Variants in BPIFA2 observed in about 807,000 individuals in gnomAD.
BPIFA2 encodes the protein BPI fold-containing family A member 2.
Under a neutral mutation model 25.7 loss-of-function variants are expected in BPIFA2, and 20 were observed. That is an observed-to-expected ratio of 0.78 (90% CI 0.55 to 1.13). BPIFA2 has a LOEUF of 1.13. Among genes scored for constraint, BPIFA2 ranks in the 50% most tolerant of loss-of-function variants. BPIFA2 has a pLI of 0.00. For missense variants in BPIFA2, 300 were observed against 298.1 expected (o/e 1.01, Z -0.05); for synonymous variants, 126 against 124.3 (o/e 1.01, Z -0.09).
chr20:33,166,039 C>T (rs868534984), upstream of BPIFA2, among the ~76,000 whole-genome samples: 57 of 152,144 alleles, frequency 3.7e-4, no homozygotes, highest in Non-Finnish European at 5.4e-4. Flanking sequence ...TTGTTTGAGA[C>T]GGAGTTTCGC....
chr20:33,177,460 C>T (rs1242564225), intron 5 of BPIFA2, among the ~76,000 whole-genome samples: 3 of 152,088 alleles, frequency 2.0e-5, no homozygotes, highest in South Asian at 2.1e-4. Flanking sequence ...CCTGTTCTTG[C>T]GGAGCTTACC....
upstream of BPIFA2, among the ~76,000 whole-genome samples, chr20:33,163,837 T>C (rs1983647093): frequency 1.3e-5 from 2 of 151,910 alleles, no homozygotes; most frequent in South Asian, 4.2e-4. Context: ...GCACTGTGAG[T>C]AGCTCAGAGC....
chr20:33,164,435 C>T (rs564925206), upstream of BPIFA2, among the ~76,000 whole-genome samples: 8 of 152,120 alleles, frequency 5.3e-5, no homozygotes, highest in East Asian at 1.5e-3. Flanking sequence ...GGTACTGGGA[C>T]CTCGGAGATG....
chr20:33,172,913 T>A lies in BPIFA2; in HGVS notation c.158-19T>A. 2 of 1,610,776 alleles carry A rather than the reference T, an allele frequency of 1.2e-6. No homozygotes were observed. The highest frequency in any genetic ancestry group is 1.7e-6 in the Non-Finnish European group (2 of 1,178,458). ...TTCGTAAGTGGTGCGTGACACAAAA[T>A]GGCGATTGTTTTTGGCAGGCATCCT... On this transcript the variant is annotated intron_variant, in intron 2 of 8. Transcript: ENST00000354932.
Position 33,180,509 on chromosome 20 carries a change from T to A in BPIFA2, c.710-11T>A, listed in dbSNP as rs1194320366. ...AGAGACTAAGGCCTGCTATTGATTT[T>A]GTTTCTTCAGATAATCCTCAGCACA... is the stretch of plus-strand genomic sequence containing the variant. On this transcript the variant is annotated splice_polypyrimidine_tract_variant and intron_variant, in intron 7 of 8. Coordinates refer to ENST00000354932, the MANE Select transcript of BPIFA2 (RefSeq NM_080574.4). The A allele has an allele frequency of 6.2e-7, 1 of 1,612,104 alleles. No individual in the cohort carries two copies. The highest frequency in any genetic ancestry group is 1.1e-5 in the South Asian group (1 of 91,038).
chr20:33,173,138 G>T, intron 3 of BPIFA2, 62 bp downstream of exon 3: 1 of 1,561,394 alleles, frequency 6.4e-7, no homozygotes, highest in Non-Finnish European at 8.7e-7. Context: ...TATCTTTGAG[G>T]AGGTAAGTTT....
chr20:33,169,009 A>G, intron 1 of BPIFA2, 122 bp from the exon 2 acceptor site: 1 of 947,254 alleles, frequency 1.1e-6, no homozygotes, highest in Non-Finnish European at 1.6e-6. Context: ...GCCCATTTGT[A>G]AAATAGGAAA....
chr20:33,173,214 C>T, intron 3 of BPIFA2, 138 bp downstream of exon 3: 2 of 979,710 alleles, frequency 2.0e-6, no homozygotes, highest in South Asian at 3.4e-5. Flanking sequence ...TGAGCAAGGC[C>T]AGACCCACCA....
At chr20:33,169,397 A>T (rs1983829156) in intron 2 of BPIFA2, 95 bp downstream of exon 2, 2 of 1,301,846 alleles carry the variant, frequency 1.5e-6, no homozygotes, top group Admixed American at 4.1e-5. Flanking sequence ...GCTACTCTTT[A>T]TGGGCGGTTT....
chr20:33,175,433 T>A lies in BPIFA2; in HGVS notation c.437T>A (p.Leu146Gln), dbSNP rs756596689. ...AGPIIGQIIN[L>Q]KASLDLLTAV... is the part of the protein sequence containing the mutation. ...CCCATCATTGGCCAGATTATCAACC[T>A]GAAAGCCTCCTTGGACCTCCTGACC... Residue 146 changes from leucine to glutamine, a missense_variant, in exon 5 of 9, where the codon CTG (leucine) becomes CAG (glutamine). Coordinates refer to ENST00000354932, the MANE Select transcript of BPIFA2 (RefSeq NM_080574.4). 10 of 1,614,010 alleles carry A rather than the reference T, an allele frequency of 6.2e-6. No homozygotes were observed. The Admixed American group carries it at 1.7e-4, about 27-fold the overall frequency.
intron 1 of BPIFA2, among the ~76,000 whole-genome samples, chr20:33,162,992 A>G (rs991748358): frequency 2.0e-5 from 3 of 152,218 alleles, no homozygotes; most frequent in African/African-American, 7.2e-5. Context: ...GAAAATTTGC[A>G]AGAACTGTAC....
At chr20:33,167,783 C>T (rs1324545599), upstream of BPIFA2, among the ~76,000 whole-genome samples, 11 of 152,308 alleles carry the variant, frequency 7.2e-5, no homozygotes, top group Non-Finnish European at 4.4e-5. Context: ...CCTCTCTGAG[C>T]CTCAGTTTCC....
At chr20:33,174,479 C>T (rs189639151) in intron 4 of BPIFA2, among the ~76,000 whole-genome samples, 12 of 152,312 alleles carry the variant, frequency 7.9e-5, no homozygotes, top group Non-Finnish European at 1.3e-4. Flanking sequence ...AAACATTTAT[C>T]ATTCTTTGGC....
intron 7 of BPIFA2, among the ~76,000 whole-genome samples, chr20:33,180,188 G>T (rs537686395): frequency 6.6e-6 from 1 of 151,584 alleles, no homozygotes; most frequent in Non-Finnish European, 1.5e-5. Flanking sequence ...ACTGCACTCC[G>T]GCCTGGGTGA....
In BPIFA2 at chr20:33,180,520, A is replaced by T. The variant is rs1043394088; in HGVS notation, c.710A>T (p.Asp237Val). Residue 237 changes from aspartate (D) to valine (V), a missense_variant and splice_region_variant, in exon 8 of 9, where the codon GAT (aspartate) becomes GTT (valine). Coordinates refer to ENST00000354932, the MANE Select transcript of BPIFA2 (RefSeq NM_080574.4). Reference sequence around the variant, plus strand: ...CCTGCTATTGATTTTGTTTCTTCAGATAATCCTCAGCACAAAACCCAGCTG... The same window carrying T: ...CCTGCTATTGATTTTGTTTCTTCAGTTAATCCTCAGCACAAAACCCAGCTG... The part of the protein sequence containing the change: ...LDVNVIQQVV[D>V]NPQHKTQLQT... 6.2e-7 allele frequency: 1 copy of T among 1,613,112 alleles called. No homozygotes were observed.
rs768398388 is a variant in BPIFA2 at position 33,169,201 on chromosome 20, A to C, written c.56A>C (p.Glu19Ala). 1.5e-5 allele frequency: 25 copies of C among 1,613,968 alleles called. No individual in the cohort carries two copies. Among genetic ancestry groups the C allele is most frequent in the Non-Finnish European group, 2.0e-5 (24 of 1,179,948 alleles). Residue 19 changes from glutamate (E) to alanine (A), a missense_variant, in exon 2 of 9, where the codon GAG becomes GCG. By Grantham distance (107) the Glu-to-Ala change is moderately radical. Transcript: ENST00000354932. ...TGCGGCGTGCTCACTGGGACCTCAGAGTCTCTTCTTGACAATCTTGGCAAT... is the reference window on the plus strand; with the variant it reads ...TGCGGCGTGCTCACTGGGACCTCAGCGTCTCTTCTTGACAATCTTGGCAAT... The part of the protein sequence containing the change: ...LLCGVLTGTS[E>A]SLLDNLGNDL...
intron 5 of BPIFA2, among the ~76,000 whole-genome samples, chr20:33,176,471 G>A (rs1984080766): frequency 6.6e-6 from 1 of 152,232 alleles, no homozygotes; most frequent in Non-Finnish European, 1.5e-5. Flanking sequence ...GCCCTGCACT[G>A]AGGGATCTGA....
chr20:33,180,123 C>T (rs542509077), intron 7 of BPIFA2, among the ~76,000 whole-genome samples: 2 of 151,996 alleles, frequency 1.3e-5, no homozygotes, highest in Non-Finnish European at 1.5e-5. Context: ...GAGGCTGAGG[C>T]GGGAGGATTG....
At chr20:33,175,861 T>C (rs1416307915) in intron 5 of BPIFA2, among the ~76,000 whole-genome samples, 1 of 152,200 alleles carries the variant, frequency 6.6e-6, no homozygotes, top group African/African-American at 2.4e-5. Flanking sequence ...GCTGCCTCTC[T>C]GCCTGCTGGT....
Sources: gnomAD v4.1 joint callset for allele counts (sites outside exome capture counted in the v4.1 genomes callset) on GRCh38, gnomAD v4.1.1 for gene constraint, MANE v1.5 for transcripts, NCBI Gene and HGNC (gene_info 2026-07-23, HGNC 2026-07-21) for gene names.